The following RYR3 variants were observed in gnomAD, a reference collection of about 807,000 sequenced individuals.
The protein encoded by RYR3 is ryanodine receptor 3.
In RYR3, 207 loss-of-function variants were observed where a neutral mutation model predicts 584.3. The observed-to-expected ratio is 0.35, with a 90% CI of 0.32 to 0.40. The LOEUF (loss-of-function observed/expected upper bound fraction) is 0.40, where lower values mean the gene tolerates loss of function less well. RYR3 is among the 10% of genes least tolerant of loss of function. The pLI, the probability that RYR3 is intolerant of heterozygous loss-of-function variation, is 1.00. For missense variants in RYR3, 5,616 were observed against 6,089.2 expected (o/e 0.92, Z 2.59); for synonymous variants, 2,416 against 2,248.5 (o/e 1.07, Z -2.11).
At chr15:33,624,270 T>A (rs958001938) in intron 20 of RYR3, among the ~76,000 whole-genome samples, 1 of 152,214 alleles carries the variant, frequency 6.6e-6, no homozygotes, top group African/African-American at 2.4e-5. Flanking sequence ...ACAGAAATAT[T>A]TATTGTCTGG....
At chr15:33,685,588 G>C (rs529826043) in intron 38 of RYR3, among the ~76,000 whole-genome samples, 1 of 152,122 alleles carries the variant, frequency 6.6e-6, no homozygotes, top group African/African-American at 2.4e-5. Flanking sequence ...TGCACCAAGC[G>C]TACATAATAG....
At chr15:33,413,720 C>T (rs151156816) in intron 1 of RYR3, among the ~76,000 whole-genome samples, 2 of 152,194 alleles carry the variant, frequency 1.3e-5, no homozygotes, top group African/African-American at 4.8e-5. Context: ...GGTCCTGTTC[C>T]CCCCCGCTCA....
intron 16 of RYR3, among the ~76,000 whole-genome samples, chr15:33,588,185 A>G (rs1357325845): frequency 6.6e-6 from 1 of 152,180 alleles, no homozygotes; most frequent in Non-Finnish European, 1.5e-5. Flanking sequence ...ACATAGCATC[A>G]TTATTATTTG....
chr15:33,436,312 A>G (rs1481729664), intron 1 of RYR3, among the ~76,000 whole-genome samples: 1 of 151,758 alleles, frequency 6.6e-6, no homozygotes, highest in Non-Finnish European at 1.5e-5. Flanking sequence ...TTTTTCATAT[A>G]TTTATTAGAT....
chr15:33,509,729 C>T (rs1194901475), intron 3 of RYR3, among the ~76,000 whole-genome samples: 1 of 152,118 alleles, frequency 6.6e-6, no homozygotes, highest in Non-Finnish European at 1.5e-5. Flanking sequence ...TGTTAAAAGC[C>T]TGAATTTCCT....
At chr15:33,611,717 G>A (rs1051551134) in intron 18 of RYR3, among the ~76,000 whole-genome samples, 1 of 152,074 alleles carries the variant, frequency 6.6e-6, no homozygotes, top group Admixed American at 6.5e-5. Context: ...GGAGCGCAGT[G>A]GCATGATCTC....
chr15:33,520,659 C>T (rs1303021113), intron 3 of RYR3, among the ~76,000 whole-genome samples: 8 of 151,998 alleles, frequency 5.3e-5, no homozygotes, highest in Admixed American at 5.2e-4. Context: ...ATCTAAATGT[C>T]ATTAATACGC....
Position 33,631,213 on chromosome 15 carries a change from C to A in RYR3, c.2787C>A (p.Thr929=), listed in dbSNP as rs760334224. The A allele has an allele frequency of 6.3e-7, 1 of 1,578,260 alleles. No individual in the cohort carries two copies. The highest frequency in any genetic ancestry group is 8.6e-7 in the Non-Finnish European group (1 of 1,159,888). The change falls in exon 23 of 104, where the codon ACC becomes ACA. Residue 929 remains threonine, a synonymous_variant. Transcript: ENST00000634891. ...TTCTCCTTCTGTTGTGTCACAGAAC[C>A]CTCTTGGCCCTGGGGTGCCACATTG... ...NLQMSTETLK[T]LLALGCHIAH...
At chr15:33,693,601 G>A (rs963885146) in intron 38 of RYR3, among the ~76,000 whole-genome samples, 5 of 152,216 alleles carry the variant, frequency 3.3e-5, no homozygotes, top group African/African-American at 1.2e-4. Context: ...AAATTAGCGT[G>A]GCAAGTTGCC....
intron 1 of RYR3, among the ~76,000 whole-genome samples, chr15:33,448,015 A>G (rs2046816697): frequency 6.6e-6 from 1 of 152,212 alleles, no homozygotes; most frequent in Non-Finnish European, 1.5e-5. Context: ...AATGTAAGAG[A>G]TAGAAAATGG....
chr15:33,652,993 A>C, intron 32 of RYR3, 110 bp downstream of exon 32: 1 of 1,172,716 alleles, frequency 8.5e-7, no homozygotes, highest in Non-Finnish European at 1.2e-6. Context: ...CAAGCTGATG[A>C]GCCCATGTGG....
intron 1 of RYR3, among the ~76,000 whole-genome samples, chr15:33,330,086 G>A (rs1970198920): frequency 6.6e-6 from 1 of 152,132 alleles, no homozygotes; most frequent in African/African-American, 2.4e-5. Context: ...AGACTGGACA[G>A]TTTTTCCTTG....
intron 10 of RYR3, among the ~76,000 whole-genome samples, chr15:33,554,045 T>G (rs912610142): frequency 1.3e-5 from 2 of 152,200 alleles, no homozygotes; most frequent in Admixed American, 6.5e-5. Flanking sequence ...AGTGAGCGCC[T>G]TCTCATGCTT....
rs529989339 is a variant in RYR3, at chr15:33,601,957, A to G, written c.1922+405A>G. On this transcript the variant is annotated intron_variant, in intron 17 of 103. Transcript: ENST00000634891. The stretch of plus-strand genomic sequence containing the variant: ...CCCAAGTGAGACTGTGGCTTCTTGC[A>G]TCCTCTGGCTCATGGCCATGTATCT... Among the ~76,000 whole-genome samples, 6 of 152,314 alleles carry G rather than the reference A, an allele frequency of 3.9e-5. No homozygotes were observed. In the South Asian group the frequency reaches 1.2e-3, roughly 32 times the overall value.
intron 44 of RYR3, 122 bp from the exon 45 acceptor site, chr15:33,723,943 C>T (rs1049351243): frequency 1.6e-6 from 1 of 609,152 alleles, no homozygotes; most frequent in South Asian, 2.1e-5. Context: ...GACGAGGTTC[C>T]AAGGGAAAGG....
intron 61 of RYR3, 131 bp from the exon 62 acceptor site, chr15:33,768,981 A>G (rs879027953): frequency 2.8e-5 from 21 of 763,062 alleles, no homozygotes; most frequent in Admixed American, 1.4e-4. Flanking sequence ...TTGTCGCTGA[A>G]CACAGGCCCA....
chr15:33,646,267 A>G, intron 28 of RYR3, 84 bp from the exon 29 acceptor site: 1 of 1,212,312 alleles, frequency 8.2e-7, no homozygotes, highest in African/African-American at 1.5e-5. Flanking sequence ...ATGCCTTGCC[A>G]TGTGCATGTC....
chr15:33,759,508 A>G (rs1037392381), intron 60 of RYR3, among the ~76,000 whole-genome samples: 5 of 152,236 alleles, frequency 3.3e-5, no homozygotes, highest in African/African-American at 9.6e-5. Flanking sequence ...ATACACAAGT[A>G]TCAATATCCA....
intron 1 of RYR3, among the ~76,000 whole-genome samples, chr15:33,447,155 G>A (rs1375863867): frequency 2.0e-5 from 3 of 152,226 alleles, no homozygotes; most frequent in Non-Finnish European, 4.4e-5. Context: ...ATGTACATGT[G>A]TTAGTATTAG....
Sources: gnomAD v4.1 joint callset for allele counts (sites outside exome capture counted in the v4.1 genomes callset) on GRCh38, gnomAD v4.1.1 for gene constraint, MANE v1.5 for transcripts, NCBI Gene and HGNC (gene_info 2026-07-23, HGNC 2026-07-21) for gene names.